BTBD7: variants seen among roughly 807,000 people sequenced by gnomAD.
BTBD7 encodes BTB domain containing 7.
In BTBD7, 38 loss-of-function variants were observed where a neutral mutation model predicts 99.9. The ratio of observed to expected loss-of-function variants is 0.38; its 90% CI spans 0.29 to 0.50. The LOEUF is 0.50. Among genes scored for constraint, BTBD7 ranks in the 20% least tolerant of loss-of-function variants. The pLI, the probability that BTBD7 is intolerant of heterozygous loss-of-function variation, is 0.93. For missense variants in BTBD7, 1,170 were observed against 1,394.6 expected (o/e 0.84, Z 2.57); for synonymous variants, 520 against 511.4 (o/e 1.02, Z -0.23).
intron 3 of BTBD7, among the ~76,000 whole-genome samples, chr14:93,273,220 T>C (rs564098862): frequency 5.9e-5 from 9 of 152,142 alleles, no homozygotes; most frequent in Non-Finnish European, 1.3e-4. Flanking sequence ...ATGTGGAAGG[T>C]AAAGTATCAG....
chr14:93,327,645 T>G (rs1210171738), intron 1 of BTBD7, among the ~76,000 whole-genome samples: 1 of 152,180 alleles, frequency 6.6e-6, no homozygotes, highest in Non-Finnish European at 1.5e-5. Flanking sequence ...AATCAAGGTC[T>G]TATATAAAAA....
chr14:93,320,052 G>A (rs1477103051), intron 1 of BTBD7, among the ~76,000 whole-genome samples: 8 of 152,200 alleles, frequency 5.3e-5, no homozygotes, highest in Admixed American at 5.2e-4. Context: ...AAACTGAACT[G>A]CAAGTGAAAA....
chr14:93,250,945 C>T (rs1438822199), intron 8 of BTBD7, among the ~76,000 whole-genome samples: 1 of 152,112 alleles, frequency 6.6e-6, no homozygotes, highest in Non-Finnish European at 1.5e-5. Flanking sequence ...ATTTGACCCT[C>T]CCAAAGGGTC....
intron 3 of BTBD7, among the ~76,000 whole-genome samples, chr14:93,264,863 G>C (rs1208796584): frequency 6.6e-6 from 1 of 152,216 alleles, no homozygotes; most frequent in African/African-American, 2.4e-5. Flanking sequence ...CACTCTGGGA[G>C]TCCAAGGCGG....
At chr14:93,312,335 A>G (rs1248742136) in intron 1 of BTBD7, among the ~76,000 whole-genome samples, 1 of 152,244 alleles carries the variant, frequency 6.6e-6, no homozygotes. Context: ...AATGCTCATC[A>G]TCAGCTTAAA....
intron 3 of BTBD7, among the ~76,000 whole-genome samples, chr14:93,282,578 G>A (rs1439117470): frequency 6.6e-6 from 1 of 152,136 alleles, no homozygotes; most frequent in Non-Finnish European, 1.5e-5. Context: ...TGATCTGCCT[G>A]CCTTGGCCTC....
chr14:93,295,664 TA>T (rs2052916521), intron 2 of BTBD7, among the ~76,000 whole-genome samples: 1 of 152,322 alleles, frequency 6.6e-6, no homozygotes, highest in South Asian at 2.1e-4. Flanking sequence ...ATGGGCAAAA[TA>T]AATGAAATGG....
At chr14:93,247,201 T>C (rs1387420007) in intron 9 of BTBD7, among the ~76,000 whole-genome samples, 1 of 152,108 alleles carries the variant, frequency 6.6e-6, no homozygotes, top group Non-Finnish European at 1.5e-5. Flanking sequence ...TAATTTATTA[T>C]ATTTTTTGTA....
intron 3 of BTBD7, among the ~76,000 whole-genome samples, chr14:93,282,767 C>T (rs557819927): frequency 1.4e-4 from 21 of 152,290 alleles, no homozygotes; most frequent in African/African-American, 5.1e-4. Context: ...CCTCCCCAGT[C>T]CTATCTTCCT....
Position 93,245,826 on chromosome 14 carries a change from A to T in BTBD7, c.2582T>A (p.Val861Glu). 6.2e-7 allele frequency: 1 copy of T among 1,611,156 alleles called. No individual in the cohort carries two copies. The change falls in exon 10 of 11, where the codon GTG becomes GAG. Residue 861 changes from valine (V) to glutamate (E), a missense_variant and splice_region_variant. By Grantham distance (121) the Val-to-Glu change is moderately radical (BLOSUM62 -2). Around this residue, in one of 4 missense-constraint regions of BTBD7, gnomAD observed 495 missense variants for 525.9 expected, o/e 0.94. Transcript: ENST00000334746. ...CAAGTTACTGAAGTGTTGACTTACC[A>T]CTTGCTTCTCAGATGCTGCTGCTGC... ...AAAAAASEKQ[V>E]RTQPVLNDLM... is the part of the protein sequence containing the mutation.
intron 10 of BTBD7, among the ~76,000 whole-genome samples, chr14:93,245,150 T>C (rs1190914116): frequency 1.6e-5 from 2 of 126,322 alleles, no homozygotes; most frequent in African/African-American, 3.2e-5. Flanking sequence ...GTGTGAGTCA[T>C]GGCACCTGGC....
At chr14:93,259,687 T>C (rs1016352956) in intron 5 of BTBD7, among the ~76,000 whole-genome samples, 4 of 152,114 alleles carry the variant, frequency 2.6e-5, no homozygotes, top group African/African-American at 9.7e-5. Context: ...TTTTAAAAAA[T>C]TCATAACTTG....
chr14:93,319,653 G>A (rs2053247735), intron 1 of BTBD7, among the ~76,000 whole-genome samples: 1 of 152,124 alleles, frequency 6.6e-6, no homozygotes, highest in African/African-American at 2.4e-5. Flanking sequence ...AGGGGCTGGG[G>A]GGAAATGCAG....
At chr14:93,277,727 T>C (rs1221884478) in intron 3 of BTBD7, among the ~76,000 whole-genome samples, 1 of 152,226 alleles carries the variant, frequency 6.6e-6, no homozygotes, top group Non-Finnish European at 1.5e-5. Flanking sequence ...CAAAGTTCCC[T>C]GATAAGCGTA....
intron 1 of BTBD7, among the ~76,000 whole-genome samples, chr14:93,311,512 T>C (rs914844392): frequency 6.6e-5 from 10 of 152,220 alleles, no homozygotes; most frequent in Admixed American, 2.0e-4. Flanking sequence ...AACATGTACA[T>C]AGATACATAA....
At chr14:93,310,516 G>A (rs1341466672) in intron 1 of BTBD7, among the ~76,000 whole-genome samples, 1 of 152,076 alleles carries the variant, frequency 6.6e-6, no homozygotes, top group Non-Finnish European at 1.5e-5. Flanking sequence ...ATGTGCTTCT[G>A]ACTCTTGTAT....
intron 3 of BTBD7, among the ~76,000 whole-genome samples, chr14:93,293,125 T>A (rs942822504): frequency 3.3e-5 from 5 of 152,226 alleles, no homozygotes; most frequent in Non-Finnish European, 7.3e-5. Flanking sequence ...TTTGCTCTCC[T>A]ACAAAAGGTC....
chr14:93,277,760 C>T (rs941754973), intron 3 of BTBD7, among the ~76,000 whole-genome samples: 4 of 152,290 alleles, frequency 2.6e-5, no homozygotes, highest in South Asian at 2.1e-4. Flanking sequence ...ATGTATTCTA[C>T]TACCAAAGCA....
intron 8 of BTBD7, 117 bp downstream of exon 8, chr14:93,251,346 A>G (rs2052365252): frequency 1.3e-5 from 15 of 1,131,176 alleles, no homozygotes; most frequent in Non-Finnish European, 1.7e-5. Context: ...AGAACAAGGC[A>G]TAAAAAGTAT....
Sources: allele counts gnomAD v4.1 joint callset (sites outside exome capture counted in the v4.1 genomes callset), GRCh38; gene constraint gnomAD v4.1.1; regional missense constraint gnomAD v4.1.1; transcripts MANE v1.5; gene names NCBI Gene and HGNC (gene_info 2026-07-23, HGNC 2026-07-21).